Variants in PPP6R3 observed in about 807,000 individuals in gnomAD.
PPP6R3 encodes the protein serine/threonine-protein phosphatase 6 regulatory subunit 3.
Under a neutral mutation model 110.7 loss-of-function variants are expected in PPP6R3, and 38 were observed. That is an observed-to-expected ratio of 0.34 (90% CI 0.26 to 0.45). The LOEUF (loss-of-function observed/expected upper bound fraction) is 0.45. Ranked by LOEUF, PPP6R3 falls within the 20% of genes least tolerant of loss-of-function variation. PPP6R3 has a pLI of 1.00. For synonymous variants in PPP6R3, 369 were observed against 373.5 expected (o/e 0.99, Z 0.14); for missense variants, 870 against 1,062.4 (o/e 0.82, Z 2.52).
intron 1 of PPP6R3, among the ~76,000 whole-genome samples, chr11:68,496,182 CTT>C (rs200004744): frequency 1.7e-4 from 25 of 144,228 alleles, no homozygotes; most frequent in East Asian, 4.0e-4. Flanking sequence ...CTTTTCTTTT[CTT>C]TTTTTTTTTT....
At chr11:68,560,785 G>A (rs1464003507) in intron 8 of PPP6R3, among the ~76,000 whole-genome samples, 1 of 151,980 alleles carries the variant, frequency 6.6e-6, no homozygotes, top group African/African-American at 2.4e-5. Context: ...GGACTCCCAT[G>A]CATACCAAAA....
At position 68,614,012 on chromosome 11, in the gene PPP6R3, T is replaced by G; in HGVS notation, c.*895T>G. Reference sequence around the variant, plus strand: ...TTACCTTGTTAACAAGCATCACCAATGAACATTTCAGAGCAATCTGCATAT... The same window carrying G: ...TTACCTTGTTAACAAGCATCACCAAGGAACATTTCAGAGCAATCTGCATAT... On this transcript the variant is annotated 3_prime_UTR_variant, in exon 24 of 24. Coordinates refer to ENST00000393800, the MANE Select transcript of PPP6R3 (RefSeq NM_001164161.2). 1 of 985,470 alleles carries G rather than the reference T, an allele frequency of 1.0e-6. No individual in the cohort carries two copies. Among genetic ancestry groups the G allele is most frequent in the South Asian group, 4.7e-5 (1 of 21,268 alleles). The allele number at this position is 985,470 out of a possible 1,614,324, so 61.0% of individuals were successfully genotyped here. A position where few individuals can be genotyped will look rare whatever the true frequency, so the allele number is the denominator to read the frequency against.
chr11:68,603,575 AT>A, intron 22 of PPP6R3, 83 bp downstream of exon 22: 1 of 1,515,862 alleles, frequency 6.6e-7, no homozygotes, highest in Non-Finnish European at 9.1e-7. Context: ...AAAATTTTTA[AT>A]TTGATTCAAA....
chr11:68,568,379 A>C (rs1039302760), intron 10 of PPP6R3, among the ~76,000 whole-genome samples: 1 of 152,218 alleles, frequency 6.6e-6, no homozygotes, highest in African/African-American at 2.4e-5. Context: ...TGATGAGACT[A>C]AATTTGATGA....
chr11:68,544,726 TA>T (rs1592870655), intron 3 of PPP6R3, 111 bp from the exon 4 acceptor site: 8 of 697,052 alleles, frequency 1.1e-5, no homozygotes, highest in Non-Finnish European at 1.8e-5. Flanking sequence ...TGATTTCCAG[TA>T]AACGATTTTA....
At chr11:68,608,530 A>G (rs781496454) in intron 22 of PPP6R3, among the ~76,000 whole-genome samples, 1 of 151,772 alleles carries the variant, frequency 6.6e-6, no homozygotes, top group Non-Finnish European at 1.5e-5. Context: ...ATGGCCTACA[A>G]CTCTTCACTC....
chr11:68,464,262 G>C (rs946793078), intron 1 of PPP6R3, among the ~76,000 whole-genome samples: 1 of 152,004 alleles, frequency 6.6e-6, no homozygotes, highest in Non-Finnish European at 1.5e-5. Flanking sequence ...CTCCCTAGTG[G>C]CGGGGATTAC....
chr11:68,602,743 A>C (rs2099635647), intron 21 of PPP6R3, among the ~76,000 whole-genome samples: 1 of 152,152 alleles, frequency 6.6e-6, no homozygotes, highest in African/African-American at 2.4e-5. Flanking sequence ...TGGTTCTGTA[A>C]GTGGGTGCAC....
chr11:68,471,282 C>CAAAAAAA (rs34619002), intron 1 of PPP6R3, among the ~76,000 whole-genome samples: 2 of 57,252 alleles, frequency 3.5e-5, no homozygotes, highest in Non-Finnish European at 3.9e-5. Flanking sequence ...GATTCTGTCT[C>CAAAAAAA]AAAAAAAAAA....
intron 1 of PPP6R3, among the ~76,000 whole-genome samples, chr11:68,475,553 C>A (rs1184696866): frequency 1.3e-5 from 2 of 150,738 alleles, no homozygotes; most frequent in Non-Finnish European, 3.0e-5. Flanking sequence ...GGCCCCCCAC[C>A]TCCCTCCCGG....
At chr11:68,553,916 G>A (rs544481135) in intron 6 of PPP6R3, among the ~76,000 whole-genome samples, 1 of 151,966 alleles carries the variant, frequency 6.6e-6, no homozygotes, top group African/African-American at 2.4e-5. Context: ...GAACCTTGAC[G>A]ACATCTCCCT....
intron 19 of PPP6R3, among the ~76,000 whole-genome samples, chr11:68,596,923 C>T (rs1358719383): frequency 2.0e-5 from 3 of 152,160 alleles, no homozygotes; most frequent in Admixed American, 2.0e-4. Flanking sequence ...GTGGTGACTT[C>T]AGAGCTAGAT....
intron 7 of PPP6R3, chr11:68,558,318 A>C (rs2099407058): frequency 4.0e-6 from 1 of 252,950 alleles, no homozygotes. Context: ...AGCATGGCCC[A>C]GGTTATTTTG....
At position 68,558,548 on chromosome 11, in the gene PPP6R3, A is replaced by T. The variant is rs769912670; in HGVS notation, c.732-18A>T. Reference sequence around the variant, plus strand: ...ATAAGTGATACTGCAGTTAGTGATTATTGATTTGTTTCCCTAGGCAAGAAA... The same window carrying T: ...ATAAGTGATACTGCAGTTAGTGATTTTTGATTTGTTTCCCTAGGCAAGAAA... On this transcript the variant is annotated intron_variant, in intron 7 of 23. Transcript: ENST00000393800. 2.0e-6 allele frequency: 3 copies of T among 1,537,608 alleles called. No homozygotes were observed. Among genetic ancestry groups the T allele is most frequent in the Non-Finnish European group, 2.7e-6 (3 of 1,113,438 alleles).
chr11:68,583,012 T>C (rs1305617463), intron 14 of PPP6R3, 31 bp from the exon 15 acceptor site: 9 of 1,394,194 alleles, frequency 6.5e-6, no homozygotes, highest in Non-Finnish European at 8.8e-6. Flanking sequence ...TTTTCTATGT[T>C]AAATAGTCTT....
At chr11:68,603,521 C>G (rs749699983) in intron 22 of PPP6R3, 29 bp downstream of exon 22, 1 of 1,613,580 alleles carries the variant, frequency 6.2e-7, no homozygotes. Context: ...CTGCTGGTAG[C>G]TTCAGGTTAT....
At chr11:68,601,774 A>G in intron 20 of PPP6R3, 89 bp from the exon 21 acceptor site, 1 of 1,093,006 alleles carries the variant, frequency 9.1e-7, no homozygotes. Context: ...CTCCTAACAA[A>G]AACTTACTTG....
Position 68,584,303 on chromosome 11 carries a change from C to T in PPP6R3, c.1632+1174C>T, listed in dbSNP as rs545525962. Among the ~76,000 whole-genome samples, 77 of 152,142 alleles carry T rather than the reference C, an allele frequency of 5.1e-4. 1 individual carries two copies. Among genetic ancestry groups the T allele is most frequent in the Non-Finnish European group, 8.7e-4 (59 of 68,016 alleles). On this transcript the variant is annotated intron_variant, in intron 15 of 23. Coordinates refer to ENST00000393800, the MANE Select transcript of PPP6R3 (RefSeq NM_001164161.2). ...GGCTCATTGTGAGCCCTCGTGCCTG[C>T]AAGCAGCCCTTTTCCCAGAGCGCTC...
intron 1 of PPP6R3, among the ~76,000 whole-genome samples, chr11:68,517,630 C>T (rs1267394517): frequency 6.6e-6 from 1 of 152,130 alleles, no homozygotes; most frequent in Admixed American, 6.5e-5. Flanking sequence ...ACAATTTGAA[C>T]ATCAGAATGA....
Sources: gnomAD v4.1 joint callset for allele counts (sites outside exome capture counted in the v4.1 genomes callset) on GRCh38, gnomAD v4.1.1 for gene constraint, MANE v1.5 for transcripts, NCBI Gene and HGNC (gene_info 2026-07-23, HGNC 2026-07-21) for gene names.